The following SLC49A3 variants were observed in gnomAD, a reference collection of about 807,000 sequenced individuals.
SLC49A3 encodes the protein solute carrier family 49 member 3.
Under a neutral mutation model 43.8 loss-of-function variants are expected in SLC49A3, and 50 were observed. The ratio of observed to expected loss-of-function variants is 1.14; its 90% CI spans 0.91 to 1.45. The LOEUF is 1.45. Among genes scored for constraint, SLC49A3 ranks in the 40% most tolerant of loss-of-function variants. The pLI, the probability that SLC49A3 is intolerant of heterozygous loss-of-function variation, is 0.00. For missense variants in SLC49A3, 906 were observed against 774.1 expected (o/e 1.17, Z -2.02); for synonymous variants, 413 against 352.0 (o/e 1.17, Z -1.94).
rs754872895 is a variant in SLC49A3, at chr4:683,231, G to T, written c.1130C>A (p.Thr377Lys). The T allele has an allele frequency of 1.2e-6, 2 of 1,612,838 alleles. No individual in the cohort carries two copies. Among genetic ancestry groups the T allele is most frequent in the Non-Finnish European group, 1.7e-6 (2 of 1,179,946 alleles). The change falls in exon 8 of 10, where the codon ACA (threonine) becomes AAA (lysine). Residue 377 changes from threonine to lysine, a missense_variant. Physicochemically the swap from Thr to Lys is moderately conservative, Grantham distance 78 (BLOSUM62 -1). Transcript: ENST00000322224. ...CSFPVGEGAA[T>K]GMIFVLGQAE... The stretch of plus-strand genomic sequence containing the variant: ...TCACCCCAGCACAAAGATCATGCCT[G>T]TGGCAGCCCCCTCCCCCACGGGGAA...
chr4:688,103 T>C, intron 1 of SLC49A3: 1 of 152,568 alleles, frequency 6.6e-6, no homozygotes, highest in Non-Finnish European at 1.5e-5. Context: ...CCCTGCACCC[T>C]CAGACACTCC....
intron 1 of SLC49A3, 183 bp downstream of exon 1, chr4:688,810 G>A: frequency 2.0e-6 from 2 of 1,002,138 alleles, no homozygotes; most frequent in Non-Finnish European, 2.7e-6. Context: ...TCTGTGCCCT[G>A]GGCCCAGCCA....
rs897641211 is a variant in SLC49A3, at chr4:683,482, C to A, written c.994-115G>T. 3.3e-6 allele frequency: 5 copies of A among 1,502,030 alleles called. No individual in the cohort carries two copies. In the African/African-American group the frequency reaches 5.6e-5, roughly 17 times the overall value. 93.0% of individuals were successfully genotyped at this position (1,502,030 alleles called of 1,614,324 possible). A position where few individuals can be genotyped will look rare whatever the true frequency, so the allele number is the denominator to read the frequency against. On this transcript the variant is annotated intron_variant, in intron 7 of 9. Coordinates refer to ENST00000322224, the MANE Select transcript of SLC49A3 (RefSeq NM_032219.4). ...AGAACCCATCCCACCCCGGGGCCAC[C>A]CTGGCTGGCAGAGGCTGGGCATGAG... is the stretch of plus-strand genomic sequence containing the variant.
At chr4:679,046 G>T, downstream of SLC49A3, 1 of 1,611,404 alleles carries the variant, frequency 6.2e-7, no homozygotes, top group Non-Finnish European at 8.5e-7. Context: ...AGGTACCCAG[G>T]CAGAACGCCT....
Position 683,658 on chromosome 4 carries a change from G to A in SLC49A3, c.944C>T (p.Thr315Ile). ...VDRTKHFTEA[T>I]KIGLCLFSLA... ...AGAGAACAGGCACAGGCCAATCTTGGTGGCCTCAGTGAAGTGCTTGGTCCG... is the reference window on the plus strand; with the variant it reads ...AGAGAACAGGCACAGGCCAATCTTGATGGCCTCAGTGAAGTGCTTGGTCCG... Residue 315 changes from threonine to isoleucine, a missense_variant, in exon 7 of 10, where the codon ACC (threonine) becomes ATC (isoleucine). Coordinates refer to ENST00000322224, the MANE Select transcript of SLC49A3 (RefSeq NM_032219.4). 6.2e-7 allele frequency: 1 copy of A among 1,611,974 alleles called. No individual in the cohort carries two copies. Among genetic ancestry groups the A allele is most frequent in the Non-Finnish European group, 8.5e-7 (1 of 1,179,528 alleles).
chr4:684,512 G>C lies in SLC49A3; in HGVS notation c.811C>G (p.Gln271Glu). 2.5e-6 allele frequency: 4 copies of C among 1,613,212 alleles called. No individual in the cohort carries two copies. The highest frequency in any genetic ancestry group is 3.4e-6 in the Non-Finnish European group (4 of 1,179,952). Residue 271 changes from glutamine to glutamate, a missense_variant, in exon 6 of 10, where the codon CAG becomes GAG. Physicochemically the swap from Gln to Glu is conservative, Grantham distance 29 (BLOSUM62 2). Transcript: ENST00000322224. The part of the protein sequence containing the change: ...ISASFSALLE[Q>E]ILCASGHSSG... ...GAGTGGCCGCTTGCACAGAGGATCT[G>C]CTCCAGGAGGGCTGAGAAGCTGGCA...
In SLC49A3 at chr4:688,935, C is replaced by T. The variant is rs977287574; in HGVS notation, c.135+58G>A. 8 of 1,539,160 alleles carry T rather than the reference C, an allele frequency of 5.2e-6. No individual in the cohort carries two copies. The African/African-American group carries it at 1.0e-4, about 19-fold the overall frequency. ...GGCTGTGGCCACAGGAAAACAAAAC[C>T]CGGCTGGTCCGAGGGACTGAGGGTC... On this transcript the variant is annotated intron_variant, in intron 1 of 9. Coordinates refer to ENST00000322224, the MANE Select transcript of SLC49A3 (RefSeq NM_032219.4).
At position 684,567 on chromosome 4, in the gene SLC49A3, A is replaced by G. The variant is rs1740595501; in HGVS notation, c.756T>C (p.Ala252=). 6.2e-7 allele frequency: 1 copy of G among 1,613,022 alleles called. No homozygotes were observed. Among genetic ancestry groups the G allele is most frequent in the Admixed American group, 1.7e-5 (1 of 59,996 alleles). ...TCCCGATCATTCCCCCCAAGCACAC[A>G]GCCAGGATGACATAGGCCTTGTTCC... ...LMWNKAYVIL[A]VCLGGMIGIS... The change falls in exon 6 of 10, where the codon GCT becomes GCC. Residue 252 remains alanine (A), a synonymous_variant. Transcript: ENST00000322224.
chr4:684,258 G>A (rs1249363367), intron 6 of SLC49A3, among the ~76,000 whole-genome samples: 2 of 152,006 alleles, frequency 1.3e-5, no homozygotes, highest in South Asian at 2.1e-4. Flanking sequence ...CAGTCCCTCC[G>A]CTCCGTCCCA....
downstream of SLC49A3, among the ~76,000 whole-genome samples, chr4:677,128 C>G (rs1219149961): frequency 3.3e-5 from 5 of 152,236 alleles, no homozygotes; most frequent in Non-Finnish European, 5.9e-5. Context: ...GCCCTGGGTC[C>G]TGTTACCTAC....
intron 1 of SLC49A3, chr4:688,152 G>C (rs1741417328): frequency 6.6e-6 from 1 of 152,400 alleles, no homozygotes; most frequent in South Asian, 2.1e-4. Context: ...GCCTGGACAT[G>C]GTGGGCCAGG....
At chr4:678,623 G>A (rs1188651235), downstream of SLC49A3, 2 of 1,580,334 alleles carry the variant, frequency 1.3e-6, no homozygotes, top group Non-Finnish European at 1.7e-6. Context: ...TCGTCAGCCA[G>A]CCCAGGACCC....
At position 686,575 on chromosome 4, in the gene SLC49A3, A is replaced by T. The variant is rs1214090250; in HGVS notation, c.251T>A (p.Val84Glu). 15 of 1,613,076 alleles carry T rather than the reference A, an allele frequency of 9.3e-6. No homozygotes were observed. The highest frequency in any genetic ancestry group is 1.3e-5 in the Non-Finnish European group (15 of 1,179,948). ...VYLVVSTPFG[V>E]AAIWILDSVG... is the part of the protein sequence containing the mutation. ...GGAGTCCAGGATCCAGATGGCCGCC[A>T]CGCCAAATGGGGTGGATACCACGAG... Residue 84 changes from valine (V) to glutamate (E), a missense_variant, in exon 2 of 10, where the codon GTG (valine) becomes GAG (glutamate). Physicochemically the swap from Val to Glu is moderately radical, Grantham distance 121. Coordinates refer to ENST00000322224, the MANE Select transcript of SLC49A3 (RefSeq NM_032219.4).
Position 683,287 on chromosome 4 carries a change from G to C in SLC49A3, c.1074C>G (p.Pro358=), listed in dbSNP as rs751871043. The part of the protein sequence containing the change: ...LLGLFGFSVG[P]VAMELAVECS... ...ACTCGACCGCCAACTCCATGGCCAC[G>C]GGGCCCACCGAGAAGCCAAACAGCC... Residue 358 remains proline (P), a synonymous_variant, in exon 8 of 10, where the codon CCC becomes CCG. Transcript: ENST00000322224. 1.9e-6 allele frequency: 3 copies of C among 1,612,680 alleles called. No individual in the cohort carries two copies. Among genetic ancestry groups the C allele is most frequent in the Non-Finnish European group, 2.5e-6 (3 of 1,179,846 alleles).
At chr4:686,831 T>A in intron 1 of SLC49A3, 141 bp from the exon 2 acceptor site, 4 of 1,122,564 alleles carry the variant, frequency 3.6e-6, no homozygotes, top group Non-Finnish European at 5.0e-6. Context: ...GGGGCCTTCC[T>A]GCCCAAGGAG....
chr4:679,790 C>T (rs562663108), downstream of SLC49A3: 9 of 747,702 alleles, frequency 1.2e-5, no homozygotes, highest in South Asian at 6.9e-5. Context: ...CTGGGCCAAG[C>T]GTCTCCTTCC....
chr4:678,688 G>A (rs375637730), downstream of SLC49A3: 10 of 1,611,142 alleles, frequency 6.2e-6, no homozygotes, highest in East Asian at 6.7e-5. Flanking sequence ...GAAGGAAGGG[G>A]GTGCCCTCCG....
chr4:685,938 A>C lies in SLC49A3; in HGVS notation c.509-27T>G. The C allele has an allele frequency of 4.3e-6, 7 of 1,613,594 alleles. No individual in the cohort carries two copies. The highest frequency in any genetic ancestry group is 5.9e-6 in the Non-Finnish European group (7 of 1,179,954). On this transcript the variant is annotated intron_variant, in intron 3 of 9. Transcript: ENST00000322224. This position sits in a 1 kb window ranked among gnomAD's most constrained non-coding sequence, Gnocchi z 4.3. The stretch of plus-strand genomic sequence containing the variant: ...TGGGTGGGCGGATGCACAAAGTGTC[A>C]GCTCGGCTGTGGCCTGGCTTCATCG...
At chr4:690,192 CAGAT>C (rs1420877936), upstream of SLC49A3, among the ~76,000 whole-genome samples, 2 of 152,030 alleles carry the variant, frequency 1.3e-5, no homozygotes, top group East Asian at 3.8e-4. Context: ...GTGTGTGTCT[CAGAT>C]AGAGCTCTCC....
Sources: gnomAD v4.1 joint callset for allele counts (sites outside exome capture counted in the v4.1 genomes callset) on GRCh38, gnomAD v4.1.1 for gene constraint, Gnocchi (gnomAD v3.1) non-coding constraint, MANE v1.5 for transcripts, NCBI Gene and HGNC (gene_info 2026-07-23, HGNC 2026-07-21) for gene names.